Variants in MYO1B observed in about 807,000 individuals in gnomAD.
The protein encoded by MYO1B is unconventional myosin-Ib.
Under a neutral mutation model 159.7 loss-of-function variants are expected in MYO1B, and 72 were observed. The ratio of observed to expected loss-of-function variants is 0.45; its 90% CI spans 0.37 to 0.55. MYO1B has a LOEUF of 0.55. Ranked by LOEUF, MYO1B falls within the 20% of genes least tolerant of loss-of-function variation. The pLI, the probability that MYO1B is intolerant of heterozygous loss-of-function variation, is 0.00. For synonymous variants in MYO1B, 468 were observed against 473.8 expected, an observed-to-expected ratio of 0.99 and a Z score of 0.16; for missense variants, 1,062 against 1,364.8, an observed-to-expected ratio of 0.78 and a Z score of 3.50.
intron 26 of MYO1B, among the ~76,000 whole-genome samples, chr2:191,410,800 A>G (rs1697207323): frequency 6.6e-6 from 1 of 152,190 alleles, no homozygotes; most frequent in South Asian, 2.1e-4. Flanking sequence ...GTGGGAGGAA[A>G]TAGTACTTGC....
rs6712991 is a variant in MYO1B, at chr2:191,366,630, C to T, written c.1032+2354C>T. On this transcript the variant is annotated intron_variant, in intron 11 of 30. Coordinates refer to ENST00000392318, the MANE Select transcript of MYO1B (RefSeq NM_001130158.3). ...CAAGACAAGAGTTTTTCAGCTTCTC[C>T]GACATACTCTCTCCTTGGCTTCTGA... Among the ~76,000 whole-genome samples the T allele has an allele frequency of 4.0e-3, 610 of 152,144 alleles. 3 individuals are homozygous for T. Among genetic ancestry groups the T allele is most frequent in the African/African-American group, 0.014 (578 of 41,500 alleles).
intron 1 of MYO1B, among the ~76,000 whole-genome samples, chr2:191,258,976 A>G (rs1362695569): frequency 1.3e-5 from 2 of 152,144 alleles, no homozygotes; most frequent in Non-Finnish European, 2.9e-5. Context: ...TGCAACTCGG[A>G]TGGAGAAAAT....
Position 191,350,217 on chromosome 2 carries a change from T to C in MYO1B, c.554T>C (p.Ile185Thr). The C allele has an allele frequency of 6.2e-7, 1 of 1,611,514 alleles. No homozygotes were observed. Among genetic ancestry groups the C allele is most frequent in the Middle Eastern group, 1.7e-4 (1 of 6,050 alleles). ...AAAGGCGATCCACTAGGAGGAGTAATAAGTAACTGTGAGTATTTTTCTTCA... is the reference window on the plus strand; with the variant it reads ...AAAGGCGATCCACTAGGAGGAGTAACAAGTAACTGTGAGTATTTTTCTTCA... Reference protein sequence around the residue: ...DFKGDPLGGVISNYLLEKSRV... With the variant: ...DFKGDPLGGVTSNYLLEKSRV... Residue 185 changes from isoleucine to threonine, a missense_variant, in exon 7 of 31, where the codon ATA becomes ACA. Coordinates refer to ENST00000392318, the MANE Select transcript of MYO1B (RefSeq NM_001130158.3).
intron 11 of MYO1B, among the ~76,000 whole-genome samples, chr2:191,368,326 T>C (rs1162108969): frequency 6.6e-6 from 1 of 152,218 alleles, no homozygotes; most frequent in Non-Finnish European, 1.5e-5. Flanking sequence ...ACGGCCAGCA[T>C]GTTGAAAATA....
intron 1 of MYO1B, among the ~76,000 whole-genome samples, chr2:191,270,314 A>T (rs1346228886): frequency 2.0e-5 from 3 of 152,170 alleles, no homozygotes; most frequent in Non-Finnish European, 2.9e-5. Flanking sequence ...CTTTTTGCTC[A>T]TCTATATTTT....
At chr2:191,379,969 A>C (rs563450641) in intron 13 of MYO1B, among the ~76,000 whole-genome samples, 1 of 152,216 alleles carries the variant, frequency 6.6e-6, no homozygotes, top group Non-Finnish European at 1.5e-5. Flanking sequence ...GTATCTGACT[A>C]TATTTGTCAA....
At position 191,381,526 on chromosome 2, in the gene MYO1B, A is replaced by T; in HGVS notation, c.1250A>T (p.Glu417Val). 1 of 1,613,560 alleles carries T rather than the reference A, an allele frequency of 6.2e-7. No individual in the cohort carries two copies. Among genetic ancestry groups the T allele is most frequent in the Non-Finnish European group, 8.5e-7 (1 of 1,179,726 alleles). Residue 417 changes from glutamate (E) to valine (V), a missense_variant, in exon 14 of 31, where the codon GAA becomes GTA. This residue lies in a region of MYO1B where 415 missense variants were observed against 544.0 expected (regional missense o/e 0.76). Coordinates refer to ENST00000392318, the MANE Select transcript of MYO1B (RefSeq NM_001130158.3). ...GAAAAGCTGCAACAAATCTTCATTG[A>T]ACTTACTCTTAAAGAAGAGCAGGAG... ...CNEKLQQIFI[E>V]LTLKEEQEEY...
Position 191,262,439 on chromosome 2 carries a change from A to C in MYO1B, c.-9-14448A>C, listed in dbSNP as rs113116457. On this transcript the variant is annotated intron_variant, in intron 1 of 30. Transcript: ENST00000392318. ...AGCCTCCTTTAAATTTGTTGTCTCT[A>C]TTGTGCTCAAAATCATTTTGGTGGC... Among the ~76,000 whole-genome samples the C allele has an allele frequency of 4.5e-4, 69 of 152,180 alleles. No individual in the cohort carries two copies. The South Asian group carries it at 8.9e-3, about 20-fold the overall frequency.
At chr2:191,305,530 C>A (rs985406860) in intron 3 of MYO1B, among the ~76,000 whole-genome samples, 25 of 152,202 alleles carry the variant, frequency 1.6e-4, no homozygotes, top group African/African-American at 5.3e-4. Flanking sequence ...AGTGATTGTT[C>A]ATTCATCTGA....
chr2:191,389,810 T>A (rs888141284), intron 17 of MYO1B, among the ~76,000 whole-genome samples: 1 of 152,248 alleles, frequency 6.6e-6, no homozygotes, highest in African/African-American at 2.4e-5. Context: ...CTTGAAGTTT[T>A]ACAGATGTAT....
At chr2:191,323,470 A>G (rs1690856921) in intron 3 of MYO1B, among the ~76,000 whole-genome samples, 1 of 152,300 alleles carries the variant, frequency 6.6e-6, no homozygotes, top group Non-Finnish European at 1.5e-5. Flanking sequence ...TACACATAAC[A>G]TTCAGATAGT....
intron 1 of MYO1B, among the ~76,000 whole-genome samples, chr2:191,250,525 A>G (rs1674954730): frequency 6.6e-6 from 1 of 152,170 alleles, no homozygotes; most frequent in African/African-American, 2.4e-5. Context: ...CTGTTAATAG[A>G]CTTCAGGCAT....
At chr2:191,246,215 G>A (rs2125635723) in intron 1 of MYO1B, 1 of 152,402 alleles carries the variant, frequency 6.6e-6, no homozygotes, top group South Asian at 2.1e-4. Flanking sequence ...TTCCTGCCCG[G>A]GATGGGATTG....
At chr2:191,373,518 G>A (rs1417279830) in intron 13 of MYO1B, among the ~76,000 whole-genome samples, 1 of 152,200 alleles carries the variant, frequency 6.6e-6, no homozygotes, top group Non-Finnish European at 1.5e-5. Context: ...GCTCACACTT[G>A]TTATCCCAGC....
Position 191,363,891 on chromosome 2 carries a change from A to C in MYO1B, c.913+16A>C. ...GATAAAAATGGTACATCCGTGGAGA[A>C]TCAACTTTGTTTGTTTAGGAAACTT... On this transcript the variant is annotated intron_variant, in intron 10 of 30. Transcript: ENST00000392318. The C allele has an allele frequency of 6.2e-7, 1 of 1,613,410 alleles. No individual in the cohort carries two copies. Among genetic ancestry groups the C allele is most frequent in the Non-Finnish European group, 8.5e-7 (1 of 1,179,728 alleles).
At chr2:191,331,862 G>C (rs891970888) in intron 4 of MYO1B, among the ~76,000 whole-genome samples, 2 of 152,308 alleles carry the variant, frequency 1.3e-5, no homozygotes, top group South Asian at 2.1e-4. Flanking sequence ...TCTTGGTCCT[G>C]TTGTTCTGGA....
intron 3 of MYO1B, among the ~76,000 whole-genome samples, chr2:191,304,024 ATTTG>A (rs1463597085): frequency 6.6e-6 from 1 of 152,182 alleles, no homozygotes; most frequent in Non-Finnish European, 1.5e-5. Context: ...CTTGGGGGAT[ATTTG>A]TTTGATTCTG....
rs145255939 is a variant in MYO1B, at chr2:191,248,457, A to G, written c.-10+2831A>G. Among the ~76,000 whole-genome samples the G allele has an allele frequency of 1.1e-3, 171 of 152,338 alleles. 2 individuals are homozygous for G. The East Asian group carries it at 0.029, about 26-fold the overall frequency. ...GTCCAGAACAGTCACATTAGCCTACAGTTGGGCAAAATCGTCTGGTAACAC... is the reference window on the plus strand; with the variant it reads ...GTCCAGAACAGTCACATTAGCCTACGGTTGGGCAAAATCGTCTGGTAACAC... On this transcript the variant is annotated intron_variant, in intron 1 of 30. Coordinates refer to ENST00000392318, the MANE Select transcript of MYO1B (RefSeq NM_001130158.3).
At chr2:191,342,271 A>G (rs916576478) in intron 5 of MYO1B, among the ~76,000 whole-genome samples, 1 of 152,176 alleles carries the variant, frequency 6.6e-6, no homozygotes, top group African/African-American at 2.4e-5. Flanking sequence ...ATCTCTTCTC[A>G]TAAGACCACC....
Sources: allele counts gnomAD v4.1 joint callset (sites outside exome capture counted in the v4.1 genomes callset), GRCh38; gene constraint gnomAD v4.1.1; regional missense constraint gnomAD v4.1.1; transcripts MANE v1.5; gene names NCBI Gene and HGNC (gene_info 2026-07-23, HGNC 2026-07-21).